The following DIAPH3 variants were observed in gnomAD, a reference collection of about 807,000 sequenced individuals.
DIAPH3 encodes protein diaphanous homolog 3.
Under a neutral mutation model 144.3 loss-of-function variants are expected in DIAPH3, and 117 were observed. That is an observed-to-expected ratio of 0.81 (90% CI 0.70 to 0.95). The LOEUF (loss-of-function observed/expected upper bound fraction) is 0.95. Among genes scored for constraint, DIAPH3 ranks in the 40% least tolerant of loss-of-function variants. The probability of loss-of-function intolerance (pLI) is 0.00; values close to 1 mark genes in which losing one functional copy is unlikely to be tolerated. For synonymous variants in DIAPH3, 519 were observed against 488.9 expected, an observed-to-expected ratio of 1.06 and a Z score of -0.81; for missense variants, 1,421 against 1,412.7, an observed-to-expected ratio of 1.01 and a Z score of -0.09.
At chr13:59,977,731 G>A (rs977046477) in intron 14 of DIAPH3, among the ~76,000 whole-genome samples, 2 of 151,714 alleles carry the variant, frequency 1.3e-5, no homozygotes, top group Non-Finnish European at 2.9e-5. Flanking sequence ...TGAAGGAAAT[G>A]AGCGAGAGGA....
rs1423514762 is a variant in DIAPH3, at chr13:59,924,782, C to A, written c.2163G>T (p.Gln721His). 1 of 1,601,090 alleles carries A rather than the reference C, an allele frequency of 6.2e-7. No individual in the cohort carries two copies. The highest frequency in any genetic ancestry group is 1.3e-5 in the African/African-American group (1 of 74,548). Residue 721 changes from glutamine (Q) to histidine (H), a missense_variant, in exon 18 of 28, where the codon CAG becomes CAT. Transcript: ENST00000400324. ...TTGGAATATGATACTTACAAAGGTTCTGGGCAATTTTAGAATCTAAAAACT... is the reference window on the plus strand; with the variant it reads ...TTGGAATATGATACTTACAAAGGTTATGGGCAATTTTAGAATCTAAAAACT... ...ELKFLDSKIA[Q>H]NLSIFLSSFR...
intron 27 of DIAPH3, among the ~76,000 whole-genome samples, chr13:59,741,398 T>C (rs2036438232): frequency 6.6e-6 from 1 of 152,166 alleles, no homozygotes; most frequent in African/African-American, 2.4e-5. Flanking sequence ...ATGAAAGTAT[T>C]ACAGATTTAC....
At chr13:60,138,067 T>A (rs1346063262) in intron 1 of DIAPH3, among the ~76,000 whole-genome samples, 2 of 152,136 alleles carry the variant, frequency 1.3e-5, no homozygotes, top group African/African-American at 4.8e-5. Context: ...ATTACCAACA[T>A]GAGGAAAACT....
intron 27 of DIAPH3, among the ~76,000 whole-genome samples, chr13:59,720,511 T>C (rs1479785304): frequency 3.3e-5 from 5 of 152,180 alleles, no homozygotes; most frequent in African/African-American, 9.7e-5. Flanking sequence ...GTCATAATCA[T>C]TTCTTCTGTA....
At chr13:60,095,753 T>G (rs370746684) in intron 3 of DIAPH3, among the ~76,000 whole-genome samples, 3 of 152,332 alleles carry the variant, frequency 2.0e-5, no homozygotes, top group South Asian at 4.1e-4. Context: ...TTAAATACTT[T>G]GTATTGCATA....
At chr13:59,749,299 T>C (rs1175938551) in intron 27 of DIAPH3, among the ~76,000 whole-genome samples, 2 of 144,014 alleles carry the variant, frequency 1.4e-5, no homozygotes, top group Non-Finnish European at 3.0e-5. Context: ...GGCAGGTGGA[T>C]CATGAGGTCA....
intron 20 of DIAPH3, among the ~76,000 whole-genome samples, chr13:59,892,103 GAGAT>G (rs2140128522): frequency 6.6e-6 from 1 of 151,894 alleles, no homozygotes; most frequent in South Asian, 2.1e-4. Flanking sequence ...GGGAGAAAAA[GAGAT>G]AGAAAAACAA....
intron 27 of DIAPH3, among the ~76,000 whole-genome samples, chr13:59,765,802 C>T (rs1049914849): frequency 3.3e-5 from 5 of 152,064 alleles, no homozygotes; most frequent in Admixed American, 2.0e-4. Context: ...CTACTTGGAA[C>T]TGACCTTTAA....
At chr13:60,045,611 A>G (rs79812962) in intron 4 of DIAPH3, among the ~76,000 whole-genome samples, 2,122 of 152,244 alleles carry the variant, frequency 0.014, 65 homozygotes, top group East Asian at 0.1. Flanking sequence ...GTTGTTTACA[A>G]TTTCTTGATA....
intron 9 of DIAPH3, among the ~76,000 whole-genome samples, chr13:60,000,792 G>T (rs1566637394): frequency 6.6e-6 from 1 of 152,036 alleles, no homozygotes; most frequent in Admixed American, 6.5e-5. Flanking sequence ...AGAAACTTTG[G>T]AAATCATGTT....
chr13:59,773,237 T>G (rs2038217504), intron 27 of DIAPH3, among the ~76,000 whole-genome samples: 1 of 152,208 alleles, frequency 6.6e-6, no homozygotes, highest in Admixed American at 6.5e-5. Context: ...CTATATATAC[T>G]TTACCTTCGG....
In DIAPH3 at chr13:59,795,794, C is replaced by T. The variant is rs187662144; in HGVS notation, c.3163+14994G>A. Among the ~76,000 whole-genome samples the T allele has an allele frequency of 9.9e-5, 15 of 152,268 alleles. No individual in the cohort carries two copies. The East Asian group carries it at 2.9e-3, about 29-fold the overall frequency. On this transcript the variant is annotated intron_variant, in intron 25 of 27. Coordinates refer to ENST00000400324, the MANE Select transcript of DIAPH3 (RefSeq NM_001042517.2). ...AACTGGGTGGCTTGCTATGGTTTCA[C>T]AACTTAAAGTTTGTTACTAGACAAA...
chr13:59,972,624 A>T (rs1240674125), intron 15 of DIAPH3, among the ~76,000 whole-genome samples: 1 of 152,204 alleles, frequency 6.6e-6, no homozygotes, highest in Non-Finnish European at 1.5e-5. Flanking sequence ...TATAAAGAAG[A>T]ACCAGTTCAG....
intron 15 of DIAPH3, 106 bp downstream of exon 15, chr13:59,974,246 C>A: frequency 1.1e-6 from 1 of 890,686 alleles, no homozygotes; most frequent in Non-Finnish European, 1.8e-6. Flanking sequence ...TAAAAATATA[C>A]AAGCAAAATT....
chr13:59,922,807 T>C (rs918611089), intron 18 of DIAPH3, among the ~76,000 whole-genome samples: 1 of 152,142 alleles, frequency 6.6e-6, no homozygotes, highest in Admixed American at 6.6e-5. Flanking sequence ...AGGATATATA[T>C]ACTCTAGCTA....
intron 2 of DIAPH3, among the ~76,000 whole-genome samples, chr13:60,114,437 G>GA (rs1191100558): frequency 6.6e-6 from 1 of 151,624 alleles, no homozygotes; most frequent in East Asian, 1.9e-4. Flanking sequence ...TAATGAGATA[G>GA]AAAAAAAATT....
intron 23 of DIAPH3, among the ~76,000 whole-genome samples, chr13:59,836,633 C>T (rs1397895059): frequency 6.6e-6 from 1 of 151,712 alleles, no homozygotes; most frequent in Non-Finnish European, 1.5e-5. Context: ...TTTCACATTA[C>T]AATAAAATTG....
At chr13:59,695,485 T>C (rs755067296) in intron 27 of DIAPH3, 1 of 152,196 alleles carries the variant, frequency 6.6e-6, no homozygotes, top group Admixed American at 6.5e-5. Context: ...TTAAATGAGA[T>C]AATACAATGC....
intron 25 of DIAPH3, among the ~76,000 whole-genome samples, chr13:59,801,405 C>T (rs147521517): frequency 1.9e-3 from 289 of 152,304 alleles, no homozygotes; most frequent in African/African-American, 6.5e-3. Flanking sequence ...ACACAACACT[C>T]ATGAAAGCTA....
Sources: allele counts gnomAD v4.1 joint callset (sites outside exome capture counted in the v4.1 genomes callset), GRCh38; gene constraint gnomAD v4.1.1; transcripts MANE v1.5; gene names NCBI Gene and HGNC (gene_info 2026-07-23, HGNC 2026-07-21).